Variants in GALNT17 observed in about 807,000 individuals in gnomAD.
The protein encoded by GALNT17 is polypeptide N-acetylgalactosaminyltransferase 17.
Under a neutral mutation model 63.7 loss-of-function variants are expected in GALNT17, and 29 were observed. The ratio of observed to expected loss-of-function variants is 0.46; its 90% confidence interval spans 0.34 to 0.62. The LOEUF (loss-of-function observed/expected upper bound fraction) is 0.62. GALNT17 is among the 20% of genes least tolerant of loss of function. The pLI, the probability that GALNT17 is intolerant of heterozygous loss-of-function variation, is 0.01. For synonymous variants in GALNT17, 305 were observed against 318.3 expected (o/e 0.96, Z 0.45); for missense variants, 603 against 799.6 (o/e 0.75, Z 2.97).
chr7:71,475,940 G>A (rs1202306843), intron 5 of GALNT17, among the ~76,000 whole-genome samples: 10 of 152,078 alleles, frequency 6.6e-5, no homozygotes, highest in African/African-American at 2.4e-4. Flanking sequence ...GTAATTCATA[G>A]AAAGTAAGCA....
chr7:71,417,597 G>A (rs1026849977), intron 4 of GALNT17, among the ~76,000 whole-genome samples: 1 of 152,176 alleles, frequency 6.6e-6, no homozygotes, highest in Admixed American at 6.5e-5. Context: ...ATCAGAAGCC[G>A]TGCAGGTGAG....
At chr7:71,579,925 T>C (rs1789605454) in intron 6 of GALNT17, among the ~76,000 whole-genome samples, 1 of 151,754 alleles carries the variant, frequency 6.6e-6, no homozygotes. Flanking sequence ...GAGAGAAAGA[T>C]GCATGGATGA....
intron 9 of GALNT17, among the ~76,000 whole-genome samples, chr7:71,687,793 C>T (rs532193882): frequency 6.6e-6 from 1 of 152,210 alleles, no homozygotes; most frequent in African/African-American, 2.4e-5. Context: ...GGCTGGAGTG[C>T]GGTGGTGCAG....
At chr7:71,428,328 A>G (rs73363781) in intron 5 of GALNT17, among the ~76,000 whole-genome samples, 15 of 152,092 alleles carry the variant, frequency 9.9e-5, no homozygotes, top group African/African-American at 3.1e-4. Context: ...GACATTTCAT[A>G]TAAGTGGAGT....
intron 5 of GALNT17, among the ~76,000 whole-genome samples, chr7:71,511,564 C>G (rs889572387): frequency 6.6e-6 from 1 of 152,188 alleles, no homozygotes; most frequent in African/African-American, 2.4e-5. Flanking sequence ...TGGCCCTTGT[C>G]CAGCCATTAA....
intron 1 of GALNT17, among the ~76,000 whole-genome samples, chr7:71,230,843 CA>C (rs1789775092): frequency 6.6e-6 from 1 of 152,092 alleles, no homozygotes; most frequent in Non-Finnish European, 1.5e-5. Context: ...CAGTGGTTTT[CA>C]AAGTGTGTGC....
chr7:71,293,119 G>A (rs559600739), intron 1 of GALNT17, among the ~76,000 whole-genome samples: 8 of 152,280 alleles, frequency 5.3e-5, no homozygotes, highest in Admixed American at 3.3e-4. Context: ...CAAAAAGATA[G>A]TGAGATTATT....
At chr7:71,675,188 TA>T (rs1791131198) in intron 8 of GALNT17, among the ~76,000 whole-genome samples, 2 of 151,432 alleles carry the variant, frequency 1.3e-5, no homozygotes, top group South Asian at 4.2e-4. Flanking sequence ...GTCTCAAAAA[TA>T]AAAAATAAAA....
chr7:71,232,625 C>T (rs1191703174), intron 1 of GALNT17, among the ~76,000 whole-genome samples: 1 of 152,156 alleles, frequency 6.6e-6, no homozygotes. Flanking sequence ...AAGAAACCAG[C>T]TTTATGGAGG....
At chr7:71,437,550 G>A (rs1224183731) in intron 5 of GALNT17, among the ~76,000 whole-genome samples, 1 of 152,136 alleles carries the variant, frequency 6.6e-6, no homozygotes, top group Admixed American at 6.6e-5. Context: ...GGCTCTGCGT[G>A]GCCGTCCACA....
In GALNT17 at chr7:71,500,715, T is replaced by C. The variant is rs569252648; in HGVS notation, c.963-70570T>C. On this transcript the variant is annotated intron_variant, in intron 5 of 10. Transcript: ENST00000333538. ...CCAGGGCTCTTTCCTTTCATCACTT[T>C]CCCCTTATCTTTTAGATTCCGGGGA... Among the ~76,000 whole-genome samples, 10 of 152,150 alleles carry C rather than the reference T, an allele frequency of 6.6e-5. No individual in the cohort carries two copies. In the South Asian group the frequency reaches 1.2e-3, roughly 19 times the overall value.
chr7:71,478,149 G>C (rs1345243070), intron 5 of GALNT17, among the ~76,000 whole-genome samples: 2 of 152,108 alleles, frequency 1.3e-5, no homozygotes, highest in East Asian at 3.9e-4. Context: ...AACATAGATG[G>C]TGGGAACTGG....
chr7:71,693,299 C>CATATATATAT lies in GALNT17; in HGVS notation c.1500+15994_1500+15995insTATATATATA, dbSNP rs1327263888. 1.4e-3 allele frequency among the ~76,000 whole-genome samples: 157 copies of CATATATATAT among 116,240 alleles called. 3 individuals carry two copies. The highest frequency in any genetic ancestry group is 5.1e-3 in the African/African-American group (149 of 29,172). 76.3% of individuals were successfully genotyped at this position (116,240 alleles called of 152,430 possible). ...ACACACACACACACACACACACACA[C>CATATATATAT]ACACACACACATATATATATATGGA... On this transcript the variant is annotated intron_variant, in intron 9 of 10. Transcript: ENST00000333538.
chr7:71,691,196 A>G (rs899528213), intron 9 of GALNT17, among the ~76,000 whole-genome samples: 3 of 152,118 alleles, frequency 2.0e-5, no homozygotes, highest in Admixed American at 2.0e-4. Flanking sequence ...CCACCCCGCC[A>G]CCCTGATCAG....
intron 1 of GALNT17, among the ~76,000 whole-genome samples, chr7:71,213,640 G>A (rs911754483): frequency 2.0e-5 from 3 of 151,786 alleles, no homozygotes; most frequent in Admixed American, 1.3e-4. Flanking sequence ...ATGTGTAACA[G>A]ATTTCACTTA....
chr7:71,477,437 C>T (rs1787743158), intron 5 of GALNT17, among the ~76,000 whole-genome samples: 1 of 152,190 alleles, frequency 6.6e-6, no homozygotes, highest in South Asian at 2.1e-4. Flanking sequence ...TTCGAGGTTA[C>T]CCTACCCCTC....
intron 5 of GALNT17, among the ~76,000 whole-genome samples, chr7:71,471,024 T>C (rs1175373526): frequency 2.6e-5 from 4 of 152,136 alleles, no homozygotes; most frequent in Non-Finnish European, 5.9e-5. Context: ...CCTTTCTTCT[T>C]AGCCTGCATT....
At chr7:71,633,149 G>A (rs1433069495) in intron 6 of GALNT17, among the ~76,000 whole-genome samples, 1 of 149,550 alleles carries the variant, frequency 6.7e-6, no homozygotes, top group Admixed American at 6.7e-5. Context: ...TGATTATTTA[G>A]TTCTAGGGGG....
At chr7:71,229,225 G>T (rs549113829) in intron 1 of GALNT17, among the ~76,000 whole-genome samples, 1 of 152,214 alleles carries the variant, frequency 6.6e-6, no homozygotes, top group African/African-American at 2.4e-5. Context: ...CCAGCGCTCA[G>T]ATGGTGCTGC....
Sources: allele counts gnomAD v4.1 joint callset (sites outside exome capture counted in the v4.1 genomes callset), GRCh38; gene constraint gnomAD v4.1.1; transcripts MANE v1.5; gene names NCBI Gene and HGNC (gene_info 2026-07-23, HGNC 2026-07-21).